Variants in HSPG2 observed in about 807,000 individuals in gnomAD.
HSPG2 encodes the protein heparan sulfate proteoglycan 2.
HSPG2 carries 278 observed loss-of-function variants against 526.6 expected under a neutral mutation model. That is an observed-to-expected ratio of 0.53 (90% CI 0.48 to 0.58). The LOEUF is 0.58. Among genes scored for constraint, HSPG2 ranks in the 20% least tolerant of loss-of-function variants. HSPG2 has a pLI of 0.00. For synonymous variants in HSPG2, 2,465 were observed against 2,555.4 expected (o/e 0.96, Z 1.07); for missense variants, 5,354 against 6,099.5 (o/e 0.88, Z 4.07).
chr1:21,908,615 G>A, intron 1 of HSPG2: 1 of 577,452 alleles, frequency 1.7e-6, no homozygotes, highest in South Asian at 2.0e-5. Flanking sequence ...CCTCTGGGCT[G>A]TTAAAAAAAA....
chr1:21,830,107 G>T lies in HSPG2; in HGVS notation c.11672-16C>A, dbSNP rs751184912. 3 of 1,577,644 alleles carry T rather than the reference G, an allele frequency of 1.9e-6. No individual in the cohort carries two copies. The highest frequency in any genetic ancestry group is 1.7e-6 in the Non-Finnish European group (2 of 1,162,586). On this transcript the variant is annotated splice_polypyrimidine_tract_variant and intron_variant, in intron 85 of 96. Transcript: ENST00000374695. ...CCACAGGCCTCTGGGGGGCACATAG[G>T]CCAGTGAAAAGACACGGAGGTGACT...
rs1287667261 is a variant in HSPG2, at chr1:21,893,349, G to C, written c.244+2573C>G. On this transcript the variant is annotated intron_variant, in intron 3 of 96. Transcript: ENST00000374695. This position sits in a 1 kb window ranked among gnomAD's most constrained non-coding sequence, Gnocchi z 4.3. ...GCCCGCCAGGGTTCCAGCCCACTGT[G>C]TTTAGATCTGTGGGCCCAGGGTGGG... Among the ~76,000 whole-genome samples the C allele has an allele frequency of 6.6e-6, 1 of 152,212 alleles. No individual in the cohort carries two copies. Among genetic ancestry groups the C allele is most frequent in the Non-Finnish European group, 1.5e-5 (1 of 68,036 alleles).
At position 21,831,423 on chromosome 1, in the gene HSPG2, G is replaced by T. The variant is rs371488065; in HGVS notation, c.11452+40C>A. The T allele has an allele frequency of 1.4e-3, 2,274 of 1,607,410 alleles. 37 individuals carry two copies. In the South Asian group the frequency reaches 0.023, roughly 17 times the overall value. On this transcript the variant is annotated intron_variant, in intron 83 of 96. Coordinates refer to ENST00000374695, the MANE Select transcript of HSPG2 (RefSeq NM_005529.7). Reference sequence around the variant, plus strand: ...CTCCAGGGCTCTTCCAGCCAGCCAGGTAAGGCCCAGCCTCAGCTGGAGGTG... The same window carrying T: ...CTCCAGGGCTCTTCCAGCCAGCCAGTTAAGGCCCAGCCTCAGCTGGAGGTG...
intron 1 of HSPG2, among the ~76,000 whole-genome samples, chr1:21,918,975 T>C (rs1418402617): frequency 1.3e-5 from 2 of 152,220 alleles, no homozygotes; most frequent in African/African-American, 4.8e-5. Flanking sequence ...TATAGGGCAG[T>C]GGCTGCTGCT....
intron 1 of HSPG2, among the ~76,000 whole-genome samples, chr1:21,909,124 A>C (rs779081194): frequency 1.3e-5 from 2 of 152,062 alleles, no homozygotes; most frequent in Non-Finnish European, 2.9e-5. Flanking sequence ...CAAAAACAGA[A>C]ACAATGTCAG....
rs1639664897 is a variant in HSPG2, at chr1:21,859,975, A to C, written c.5042T>G (p.Val1681Gly). The change falls in exon 41 of 97, where the codon GTC becomes GGC. Residue 1681 changes from valine (V) to glycine (G), a missense_variant. Val to Gly is a moderately radical substitution (Grantham distance 109). Coordinates refer to ENST00000374695, the MANE Select transcript of HSPG2 (RefSeq NM_005529.7). This position sits in a 1 kb window ranked among gnomAD's most constrained non-coding sequence, Gnocchi z 5.3. ...ETNQAPLVVE[V>G]HPARSIVPQG... ...GGGCACTATGCTTCGAGCAGGATGG[A>C]CCTCGACCACCAGTGGGGCTTGGTT... The C allele has an allele frequency of 6.2e-7, 1 of 1,610,754 alleles. No homozygotes were observed. Among genetic ancestry groups the C allele is most frequent in the African/African-American group, 1.3e-5 (1 of 75,010 alleles).
chr1:21,835,098 T>A, intron 76 of HSPG2, 153 bp from the exon 77 acceptor site: 2 of 853,388 alleles, frequency 2.3e-6, no homozygotes, highest in East Asian at 2.6e-5. Flanking sequence ...ACAAACACAC[T>A]CACTTGTCAG....
chr1:21,864,046 C>A lies in HSPG2; in HGVS notation c.4740+54G>T, dbSNP rs193224663. ...TGCCTGCCTTGTCCAGCCCTGGTCCCCCACCCAGGCCCAGCTGAGCTGACC... is the reference window on the plus strand; with the variant it reads ...TGCCTGCCTTGTCCAGCCCTGGTCCACCACCCAGGCCCAGCTGAGCTGACC... On this transcript the variant is annotated intron_variant, in intron 37 of 96. Coordinates refer to ENST00000374695, the MANE Select transcript of HSPG2 (RefSeq NM_005529.7). The surrounding 1 kb of genome is among the most constrained non-coding windows in gnomAD (Gnocchi z 4.8). 1 of 1,368,700 alleles carries A rather than the reference C, an allele frequency of 7.3e-7. No individual in the cohort carries two copies. The highest frequency in any genetic ancestry group is 2.0e-5 in the Admixed American group (1 of 50,758). 84.8% of individuals were successfully genotyped at this position (1,368,700 alleles called of 1,614,324 possible).
At chr1:21,881,187 G>T (rs1557775867) in intron 14 of HSPG2, 152 bp downstream of exon 14, 2 of 968,838 alleles carry the variant, frequency 2.1e-6, no homozygotes, top group East Asian at 2.4e-5. Flanking sequence ...GAGAGGTCCT[G>T]CCCTGAATGG....
Position 21,890,708 on chromosome 1 carries a change from G to A in HSPG2, c.245-14C>T, listed in dbSNP as rs966489460. ...CTCGGAAATAAACTGGAAAATCGAA[G>A]GAGGATCATTTTGAGAGCCCCAGCC... On this transcript the variant is annotated splice_polypyrimidine_tract_variant and intron_variant, in intron 3 of 96. Coordinates refer to ENST00000374695, the MANE Select transcript of HSPG2 (RefSeq NM_005529.7). The surrounding 1 kb of genome is among the most constrained non-coding windows in gnomAD (Gnocchi z 4.1). 5 of 1,596,452 alleles carry A rather than the reference G, an allele frequency of 3.1e-6. No homozygotes were observed. In the African/African-American group the frequency reaches 6.7e-5, roughly 21 times the overall value.
At position 21,855,946 on chromosome 1, in the gene HSPG2, G is replaced by A. The variant is rs754779670; in HGVS notation, c.5576-34C>T. On this transcript the variant is annotated intron_variant, in intron 44 of 96. Transcript: ENST00000374695. Reference sequence around the variant, plus strand: ...GGAGGAAAAGGAACATGCACTCAGGGTGGGGAGTGTCGTCTGACTCACACA... The same window carrying A: ...GGAGGAAAAGGAACATGCACTCAGGATGGGGAGTGTCGTCTGACTCACACA... 56 of 1,601,570 alleles carry A rather than the reference G, an allele frequency of 3.5e-5. 1 individual carries two copies. In the South Asian group the frequency reaches 3.6e-4, roughly 10 times the overall value.
intron 1 of HSPG2, among the ~76,000 whole-genome samples, chr1:21,910,669 ATATT>A (rs1439250115): frequency 2.0e-5 from 3 of 152,158 alleles, no homozygotes; most frequent in Non-Finnish European, 4.4e-5. Flanking sequence ...TGCCAAATAA[ATATT>A]TACTGACTGA....
chr1:21,823,303 G>C lies in HSPG2; in HGVS notation c.*13C>G, dbSNP rs1286456865. 1.1e-5 allele frequency: 16 copies of C among 1,519,370 alleles called. No homozygotes were observed. Among genetic ancestry groups the C allele is most frequent in the Admixed American group, 2.0e-5 (1 of 48,828 alleles). 94.1% of individuals were successfully genotyped at this position (1,519,370 alleles called of 1,614,324 possible). The stretch of plus-strand genomic sequence containing the variant: ...GGGCGTGGCCCGGGAGTCCGTGTGG[G>C]GCAGGCAGGTGCCTACGAGGGGCAG... On this transcript the variant is annotated 3_prime_UTR_variant, in exon 97 of 97. Coordinates refer to ENST00000374695, the MANE Select transcript of HSPG2 (RefSeq NM_005529.7).
rs547690039 is a variant in HSPG2, at chr1:21,823,203, A to G, written c.*113T>C. On this transcript the variant is annotated 3_prime_UTR_variant, in exon 97 of 97. Transcript: ENST00000374695. ...GTCCAGCCCAGGGCGGTAGCAGCAAAGCGTGGCATCGCCTCGGTTTCTTAC... is the reference window on the plus strand; with the variant it reads ...GTCCAGCCCAGGGCGGTAGCAGCAAGGCGTGGCATCGCCTCGGTTTCTTAC... 3.8e-5 allele frequency: 40 copies of G among 1,049,464 alleles called. No individual in the cohort carries two copies. In the African/African-American group the frequency reaches 6.1e-4, roughly 16 times the overall value. The allele number at this position is 1,049,464 out of a possible 1,614,324, so 65.0% of individuals were successfully genotyped here.
At chr1:21,843,918 G>A (rs1274504194) in intron 65 of HSPG2, among the ~76,000 whole-genome samples, 2 of 152,234 alleles carry the variant, frequency 1.3e-5, no homozygotes, top group Non-Finnish European at 2.9e-5. Context: ...TTATAGACAT[G>A]AGCCACTGCG....
At position 21,830,967 on chromosome 1, in the gene HSPG2, G is replaced by T; in HGVS notation, c.11671+15C>A. 1 of 1,545,072 alleles carries T rather than the reference G, an allele frequency of 6.5e-7. No individual in the cohort carries two copies. Reference sequence around the variant, plus strand: ...AGGCCCTGGGGCGACAGCGACTGGCGGTCGGGGTGCGTACCTGGATGGCAG... The same window carrying T: ...AGGCCCTGGGGCGACAGCGACTGGCTGTCGGGGTGCGTACCTGGATGGCAG... On this transcript the variant is annotated intron_variant, in intron 85 of 96. Transcript: ENST00000374695.
intron 15 of HSPG2, 28 bp downstream of exon 15, chr1:21,880,628 C>T (rs1641422311): frequency 1.3e-6 from 2 of 1,596,466 alleles, no homozygotes; most frequent in Admixed American, 1.8e-5. Flanking sequence ...CCTTTGCTCC[C>T]AGCCCTAAGG....
chr1:21,827,122 C>T (rs557182046), intron 91 of HSPG2, among the ~76,000 whole-genome samples: 19 of 151,336 alleles, frequency 1.3e-4, no homozygotes, highest in African/African-American at 2.9e-4. Flanking sequence ...GCAGCAGAAT[C>T]GCTTGAGTCT....
Position 21,822,481 on chromosome 1 carries a change from C to T in HSPG2, c.*835G>A, listed in dbSNP as rs996339811. 3.9e-6 allele frequency: 2 copies of T among 510,876 alleles called. No individual in the cohort carries two copies. The highest frequency in any genetic ancestry group is 4.7e-5 in the South Asian group (2 of 42,580). The allele number at this position is 510,876 out of a possible 1,614,324, so 31.6% of individuals were successfully genotyped here. ...TAAGGCACTAGCTCTTCCTGAGCAC[C>T]AGCGGCATCCGTCCGTCCGTTGTCT... On this transcript the variant is annotated 3_prime_UTR_variant, in exon 97 of 97. Coordinates refer to ENST00000374695, the MANE Select transcript of HSPG2 (RefSeq NM_005529.7).
Sources: gnomAD v4.1 joint callset for allele counts (sites outside exome capture counted in the v4.1 genomes callset) on GRCh38, gnomAD v4.1.1 for gene constraint, Gnocchi (gnomAD v3.1) non-coding constraint, MANE v1.5 for transcripts, NCBI Gene and HGNC (gene_info 2026-07-23, HGNC 2026-07-21) for gene names.